The following USP32 variants were observed in gnomAD, a reference collection of about 807,000 sequenced individuals.
USP32 encodes ubiquitin carboxyl-terminal hydrolase 32.
USP32 carries 59 observed loss-of-function variants against 204.8 expected under a neutral mutation model. The ratio of observed to expected loss-of-function variants is 0.29; its 90% CI spans 0.23 to 0.36. The LOEUF is 0.36. USP32 is among the 10% of genes least tolerant of loss of function. The pLI is 1.00. For missense variants in USP32, 1,160 were observed against 1,946.4 expected (o/e 0.60, Z 7.60); for synonymous variants, 517 against 678.4 (o/e 0.76, Z 3.70).
rs1345306376 is a variant in USP32, at chr17:60,179,264, C to T, written c.4806G>A (p.Val1602=). The T allele has an allele frequency of 6.2e-7, 1 of 1,613,772 alleles. No homozygotes were observed. The highest frequency in any genetic ancestry group is 8.5e-7 in the Non-Finnish European group (1 of 1,179,732). The change falls in exon 34 of 34, where the codon GTG becomes GTA. Residue 1602 remains valine (V), a synonymous_variant. Transcript: ENST00000300896. ...AGCCAGAGTGGTAGCTTTACTGTAA[C>T]ACACAGTACTTTTTGTAATCAGACT... The part of the protein sequence containing the change: ...DFESDYKKYC[V]LQ
At position 60,179,038 on chromosome 17, in the gene USP32, G is replaced by A; in HGVS notation, c.*217C>T. 3.8e-6 allele frequency: 2 copies of A among 528,460 alleles called. No individual in the cohort carries two copies. Among genetic ancestry groups the A allele is most frequent in the Admixed American group, 7.4e-5 (2 of 27,128 alleles). The allele number at this position is 528,460 out of a possible 1,614,324, so 32.7% of individuals were successfully genotyped here. A position where few individuals can be genotyped will look rare whatever the true frequency, so the allele number is the denominator to read the frequency against. ...TACAGGCTAATGGTGGGATCTGCCT[G>A]AAAGTTCTCTATCGGAGAGCTTGTA... On this transcript the variant is annotated 3_prime_UTR_variant, in exon 34 of 34. Transcript: ENST00000300896.
intron 5 of USP32, among the ~76,000 whole-genome samples, chr17:60,275,627 G>A (rs956410993): frequency 1.4e-4 from 22 of 152,044 alleles, no homozygotes; most frequent in African/African-American, 5.3e-4. Flanking sequence ...TATTTTTCCT[G>A]TTAGGTCAGT....
chr17:60,272,955 G>C (rs143173285), intron 5 of USP32, among the ~76,000 whole-genome samples: 1 of 152,126 alleles, frequency 6.6e-6, no homozygotes, highest in Non-Finnish European at 1.5e-5. Flanking sequence ...ATGTACAAAT[G>C]CCGGGAAATT....
chr17:60,249,418 G>T (rs923250344), intron 11 of USP32: 84 of 311,490 alleles, frequency 2.7e-4, no homozygotes, highest in South Asian at 1.1e-4. Context: ...TCACTATGGT[G>T]ATCCTGTTCC....
upstream of USP32, among the ~76,000 whole-genome samples, chr17:60,395,210 C>T (rs149710296): frequency 6.8e-3 from 1,033 of 152,266 alleles, 13 homozygotes; most frequent in African/African-American, 0.024. Context: ...GTAAGATTTA[C>T]AGCAGTACTA....
At chr17:60,357,958 GGGTTTTCACCATGTTGGTCA>G (rs1567872615) in intron 1 of USP32, among the ~76,000 whole-genome samples, 2 of 151,630 alleles carry the variant, frequency 1.3e-5, no homozygotes, top group African/African-American at 2.4e-5. Flanking sequence ...AGTAGAGATG[GGGTTTTCACCATGTTGGTCA>G]GGCTGGTCTC....
At position 60,267,633 on chromosome 17, in the gene USP32, G is replaced by T. The variant is rs897270240; in HGVS notation, c.812-1542C>A. Among the ~76,000 whole-genome samples, 5 of 151,552 alleles carry T rather than the reference G, an allele frequency of 3.3e-5. No individual in the cohort carries two copies. The South Asian group carries it at 1.0e-3, about 32-fold the overall frequency. On this transcript the variant is annotated intron_variant, in intron 7 of 33. Coordinates refer to ENST00000300896, the MANE Select transcript of USP32 (RefSeq NM_032582.4). ...CCTCCTGGGTTGAAGCGATTCTCCT[G>T]CCTCAGCCTCCCGAGTAGCTGGGAC...
intron 1 of USP32, among the ~76,000 whole-genome samples, chr17:60,349,616 T>C (rs1344727337): frequency 2.9e-5 from 2 of 68,550 alleles, no homozygotes; most frequent in Non-Finnish European, 4.7e-5. Flanking sequence ...TATATATATA[T>C]ATATATATTA....
intron 26 of USP32, among the ~76,000 whole-genome samples, chr17:60,205,023 G>C (rs1169716194): frequency 6.7e-6 from 1 of 149,764 alleles, no homozygotes; most frequent in Admixed American, 6.6e-5. Context: ...GAACTCCTGA[G>C]CTAAGGTGAT....
At chr17:60,236,338 A>G in intron 11 of USP32, 98 bp from the exon 12 acceptor site, 1 of 974,104 alleles carries the variant, frequency 1.0e-6, no homozygotes, top group Non-Finnish European at 1.6e-6. Context: ...AAAACCGCGA[A>G]ACATTTAGAT....
intron 2 of USP32, among the ~76,000 whole-genome samples, chr17:60,324,420 CAGG>C (rs1350542950): frequency 6.6e-6 from 1 of 151,968 alleles, no homozygotes; most frequent in Non-Finnish European, 1.5e-5. Flanking sequence ...CCACATGAGG[CAGG>C]AGAAGAAACC....
chr17:60,223,603 G>C lies in USP32; in HGVS notation c.1433-17C>G, dbSNP rs774660009. 1.9e-6 allele frequency: 3 copies of C among 1,572,880 alleles called. No individual in the cohort carries two copies. In the East Asian group the frequency reaches 6.7e-5, roughly 35 times the overall value. ...ACAGAAAGCCTATAAAAAAAAAAGA[G>C]GATAGAATCTCTTATTTTTAGTTAT... On this transcript the variant is annotated splice_polypyrimidine_tract_variant and intron_variant, in intron 13 of 33. Coordinates refer to ENST00000300896, the MANE Select transcript of USP32 (RefSeq NM_032582.4).
At chr17:60,422,378 C>T (rs1412755906) in exon 1 of USP32, 2 of 1,286,314 alleles carry the variant, frequency 1.6e-6, no homozygotes, top group Admixed American at 2.6e-5. Flanking sequence ...GTCCAGATCC[C>T]AGCTGGAGGG....
chr17:60,216,652 C>A (rs1040366460), intron 16 of USP32, among the ~76,000 whole-genome samples: 4 of 152,164 alleles, frequency 2.6e-5, no homozygotes, highest in Non-Finnish European at 5.9e-5. Flanking sequence ...GAAAAGCCTA[C>A]ATTTAAGTAA....
intron 1 of USP32, among the ~76,000 whole-genome samples, chr17:60,417,453 A>ATTT (rs746989259): frequency 1.4e-5 from 2 of 137,950 alleles, no homozygotes; most frequent in Non-Finnish European, 3.2e-5. Context: ...CTGATTTTTA[A>ATTT]TTTTTTTTTT....
chr17:60,375,133 G>A (rs930938528), intron 1 of USP32, among the ~76,000 whole-genome samples: 25 of 152,016 alleles, frequency 1.6e-4, no homozygotes, highest in African/African-American at 6.0e-4. Context: ...AGTGCTGTTG[G>A]TGGCTGGTAG....
chr17:60,219,044 G>A (rs559188681), intron 16 of USP32, among the ~76,000 whole-genome samples: 13 of 152,284 alleles, frequency 8.5e-5, no homozygotes, highest in African/African-American at 3.1e-4. Context: ...TACTTTATAT[G>A]TCATTTTGAT....
chr17:60,285,432 GT>G (rs1488709958), intron 5 of USP32, among the ~76,000 whole-genome samples: 1 of 152,122 alleles, frequency 6.6e-6, no homozygotes, highest in Non-Finnish European at 1.5e-5. Context: ...TGTGTAATCT[GT>G]AGTCAAGTTA....
At chr17:60,408,605 T>C (rs2089996366) in intron 1 of USP32, among the ~76,000 whole-genome samples, 1 of 151,978 alleles carries the variant, frequency 6.6e-6, no homozygotes, top group South Asian at 2.1e-4. Flanking sequence ...CTTCAACTCC[T>C]GACCTCAAAT....
Sources: gnomAD v4.1 joint callset for allele counts (sites outside exome capture counted in the v4.1 genomes callset) on GRCh38, gnomAD v4.1.1 for gene constraint, MANE v1.5 for transcripts, NCBI Gene and HGNC (gene_info 2026-07-23, HGNC 2026-07-21) for gene names.